Variants in TTC34 observed in about 807,000 individuals in gnomAD.
TTC34 encodes the protein tetratricopeptide repeat domain 34, also known as tetratricopeptide repeat protein 34.
Under a neutral mutation model 40.7 loss-of-function variants are expected in TTC34, and 44 were observed. That is an observed-to-expected ratio of 1.08 (90% confidence interval 0.85 to 1.39). The LOEUF is 1.39. TTC34 is among the 40% of genes most tolerant of loss of function. The pLI is 0.00. For missense variants in TTC34, 884 were observed against 838.0 expected (o/e 1.05, Z -0.68); for synonymous variants, 422 against 398.6 (o/e 1.06, Z -0.70).
chr1:2,749,367 A>C (rs1235279819), intron 6 of TTC34, among the ~76,000 whole-genome samples: 153 of 58,142 alleles, frequency 2.6e-3, no homozygotes, highest in Middle Eastern at 0.016. Context: ...CCACATGCCC[A>C]GGTGAGACCC....
In TTC34 at chr1:2,645,457, A is replaced by C. The variant is rs1639001481; in HGVS notation, c.2333T>G (p.Leu778Arg). 1 of 1,534,810 alleles carries C rather than the reference A, an allele frequency of 6.5e-7. No homozygotes were observed. Among genetic ancestry groups the C allele is most frequent in the African/African-American group, 1.4e-5 (1 of 72,928 alleles). Residue 778 changes from leucine to arginine, a missense_variant, in exon 7 of 9, where the codon CTC becomes CGC. By Grantham distance (102) the Leu-to-Arg change is moderately radical (BLOSUM62 -2). Coordinates refer to ENST00000401095, the Ensembl canonical transcript of TTC34. This position sits in a 1 kb window ranked among gnomAD's most constrained non-coding sequence, Gnocchi z 4.7. Reference sequence around the variant, plus strand: ...CAGAAGGGCCCGGCAGTGGGAGTAGAGGCCCTGTGTGATGAGGGCCTGGGC... The same window carrying C: ...CAGAAGGGCCCGGCAGTGGGAGTAGCGGCCCTGTGTGATGAGGGCCTGGGC...
intron 6 of TTC34, among the ~76,000 whole-genome samples, chr1:2,677,668 A>T (rs375248224): frequency 6.7e-6 from 1 of 148,774 alleles, no homozygotes; most frequent in African/African-American, 2.4e-5. Context: ...CGAGCATCTG[A>T]CAGCCTGGAA....
At chr1:2,684,100 G>A (rs904707177) in intron 6 of TTC34, among the ~76,000 whole-genome samples, 69 of 151,986 alleles carry the variant, frequency 4.5e-4, no homozygotes, top group Non-Finnish European at 1.6e-4. Context: ...CCGATAGCCT[G>A]GAGCAGCACC....
At chr1:2,683,817 G>A (rs61763532) in intron 6 of TTC34, among the ~76,000 whole-genome samples, 25 of 61,442 alleles carry the variant, frequency 4.1e-4, no homozygotes, top group Non-Finnish European at 4.6e-4. Context: ...TCTGACAGCC[G>A]GGAACAGCAC....
chr1:2,767,706 C>T (rs1427236450), intron 6 of TTC34, among the ~76,000 whole-genome samples: 4 of 134,804 alleles, frequency 3.0e-5, no homozygotes, highest in Admixed American at 7.5e-5. Context: ...GATCTGACTA[C>T]CTGGAACAGA....
rs1330456958 is a variant in TTC34 at position 2,751,628 on chromosome 1, G to T, written c.2226+31981C>A. 1.6e-5 allele frequency among the ~76,000 whole-genome samples: 2 copies of T among 123,372 alleles called. 1 individual carries two copies. The highest frequency in any genetic ancestry group is 6.7e-5 in the African/African-American group (2 of 29,866). The allele number at this position is 123,372 out of a possible 152,430, so 80.9% of individuals were successfully genotyped here. On this transcript the variant is annotated intron_variant, in intron 6 of 8. Coordinates refer to ENST00000401095, the Ensembl canonical transcript of TTC34. The stretch of plus-strand genomic sequence containing the variant: ...CACACCCCCAGGCGAGCATCTGACG[G>T]CCTGGAACAGCACCCACACCCCCAG...
At position 2,677,915 on chromosome 1, in the gene TTC34, T is replaced by G. The variant is rs1441169562; in HGVS notation, c.2227-32352A>C. 8.5e-5 allele frequency among the ~76,000 whole-genome samples: 3 copies of G among 35,158 alleles called. 1 individual carries two copies. Among genetic ancestry groups the G allele is most frequent in the Non-Finnish European group, 1.4e-4 (3 of 21,422 alleles). The allele number at this position is 35,158 out of a possible 152,430, so 23.1% of individuals were successfully genotyped here. A position where few individuals can be genotyped will look rare whatever the true frequency, so the allele number is the denominator to read the frequency against. Reference sequence around the variant, plus strand: ...ACCCCCAGGCGAGCATCTGACAGCCTGGAGCAGCACCCTGCACCCCCAGGT... The same window carrying G: ...ACCCCCAGGCGAGCATCTGACAGCCGGGAGCAGCACCCTGCACCCCCAGGT... On this transcript the variant is annotated intron_variant, in intron 6 of 8. Transcript: ENST00000401095.
chr1:2,687,405 C>T (rs199735791), intron 6 of TTC34, among the ~76,000 whole-genome samples: 7 of 143,248 alleles, frequency 4.9e-5, no homozygotes, highest in Admixed American at 4.1e-4. Context: ...GGCACCCACA[C>T]CCCCAGGTGA....
chr1:2,699,072 T>C (rs1401967424), intron 6 of TTC34, among the ~76,000 whole-genome samples: 11 of 100,810 alleles, frequency 1.1e-4, no homozygotes, highest in East Asian at 3.2e-4. Flanking sequence ...CATCGGAGAG[T>C]CCGGAGCAGC....
intron 6 of TTC34, among the ~76,000 whole-genome samples, chr1:2,693,247 CCTGGAACAGA>C (rs1640708882): frequency 7.8e-6 from 1 of 127,824 alleles, no homozygotes; most frequent in African/African-American, 3.0e-5. Flanking sequence ...CATCTGACAG[CCTGGAACAGA>C]ACCCACACCC....
intron 6 of TTC34, among the ~76,000 whole-genome samples, chr1:2,675,561 ACC>A: frequency 4.5e-5 from 6 of 134,382 alleles, no homozygotes; most frequent in Non-Finnish European, 8.0e-5. Context: ...GAGCACCCAC[ACC>A]CCAAGGCGAG....
At chr1:2,644,935 C>T (rs1638988308) in intron 7 of TTC34, among the ~76,000 whole-genome samples, 1 of 152,196 alleles carries the variant, frequency 6.6e-6, no homozygotes, top group Non-Finnish European at 1.5e-5. Context: ...GGGCTTCTGA[C>T]AGTTCCTCCT....
chr1:2,778,791 G>A (rs905580096), intron 6 of TTC34, among the ~76,000 whole-genome samples: 44 of 152,182 alleles, frequency 2.9e-4, no homozygotes, highest in African/African-American at 1.0e-3. Context: ...TTATCTTTAT[G>A]TGTACGGTGT....
rs1340368969 is a variant in TTC34 at position 2,750,872 on chromosome 1, G to T, written c.2226+32737C>A. Among the ~76,000 whole-genome samples, 16 of 119,698 alleles carry T rather than the reference G, an allele frequency of 1.3e-4. 3 individuals carry two copies. The highest frequency in any genetic ancestry group is 4.8e-4 in the African/African-American group (13 of 26,854). 78.5% of individuals were successfully genotyped at this position (119,698 alleles called of 152,430 possible). A position where few individuals can be genotyped will look rare whatever the true frequency, so the allele number is the denominator to read the frequency against. On this transcript the variant is annotated intron_variant, in intron 6 of 8. Coordinates refer to ENST00000401095, the Ensembl canonical transcript of TTC34. Reference sequence around the variant, plus strand: ...ACCCAGGTGAGCATCTGACAGCGTGGAGCAGCACCCAAACCCCCAGGCGAG... The same window carrying T: ...ACCCAGGTGAGCATCTGACAGCGTGTAGCAGCACCCAAACCCCCAGGCGAG...
chr1:2,647,451 C>T (rs918131746), intron 6 of TTC34, among the ~76,000 whole-genome samples: 17 of 151,992 alleles, frequency 1.1e-4, no homozygotes, highest in Admixed American at 5.2e-4. Flanking sequence ...GGTGAAACCC[C>T]GTCTCTACTA....
In TTC34 at chr1:2,796,615, C is replaced by T. The variant is rs572507114; in HGVS notation, c.784+3429G>A. On this transcript the variant is annotated intron_variant, in intron 2 of 8. Coordinates refer to ENST00000401095, the Ensembl canonical transcript of TTC34. The surrounding 1 kb of genome is among the most constrained non-coding windows in gnomAD (Gnocchi z 4.5). ...AGCTTTAGTGTGACCCCCACCCACA[C>T]CCTTAAGTCATGCCCTGCCCCTGCG... is the stretch of plus-strand genomic sequence containing the variant. Among the ~76,000 whole-genome samples, 15 of 152,130 alleles carry T rather than the reference C, an allele frequency of 9.9e-5. No individual in the cohort carries two copies. Among genetic ancestry groups the T allele is most frequent in the African/African-American group, 3.6e-4 (15 of 41,514 alleles).
chr1:2,789,444 C>A, intron 3 of TTC34, 59 bp downstream of exon 3: 1 of 1,442,998 alleles, frequency 6.9e-7, no homozygotes, highest in African/African-American at 1.5e-5. Flanking sequence ...ACATCCGTCG[C>A]TACCTCGAAG....
intron 6 of TTC34, among the ~76,000 whole-genome samples, chr1:2,694,530 T>G (rs1484706923): frequency 1.5e-5 from 1 of 65,598 alleles, no homozygotes; most frequent in Admixed American, 1.6e-4. Flanking sequence ...ACATCCGACA[T>G]CGTGGAGTAG....
intron 6 of TTC34, among the ~76,000 whole-genome samples, chr1:2,769,006 C>A (rs1214233673): frequency 3.0e-4 from 3 of 10,016 alleles, no homozygotes; most frequent in African/African-American, 1.4e-3. Context: ...TCTGAAAGCA[C>A]GGAACAGCAC....
Sources: gnomAD v4.1 joint callset for allele counts (sites outside exome capture counted in the v4.1 genomes callset) on GRCh38, gnomAD v4.1.1 for gene constraint, Gnocchi (gnomAD v3.1) non-coding constraint, MANE v1.5 for transcripts, NCBI Gene and HGNC (gene_info 2026-07-23, HGNC 2026-07-21) for gene names.